The following ZFHX3 variants were observed in gnomAD, a reference collection of about 807,000 sequenced individuals.
The protein encoded by ZFHX3 is zinc finger homeobox protein 3.
Under a neutral mutation model 279.1 loss-of-function variants are expected in ZFHX3, and 42 were observed. The observed-to-expected ratio is 0.15, with a 90% CI of 0.12 to 0.19. ZFHX3 has a LOEUF of 0.19. Among genes scored for constraint, ZFHX3 ranks in the 10% least tolerant of loss-of-function variants. ZFHX3 has a pLI of 1.00. For missense variants in ZFHX3, 4,981 were observed against 4,754.0 expected, an observed-to-expected ratio of 1.05 and a Z score of -1.40; for synonymous variants, 2,293 against 1,957.8, an observed-to-expected ratio of 1.17 and a Z score of -4.52.
chr16:72,959,492 G>A lies in ZFHX3; in HGVS notation c.654C>T (p.Thr218=). The change falls in exon 2 of 10, where the codon ACC becomes ACT. Residue 218 remains threonine (T), a synonymous_variant. Transcript: ENST00000268489. ...CGGGGCTGAGCCCCGCCAGGGCTGA[G>A]GTATTCGGGAAAGCCTGGTCTGGGC... ...FEGPDQAFPN[T]SALAGLSPVL... The A allele has an allele frequency of 6.2e-7, 1 of 1,614,274 alleles. No homozygotes were observed. Among genetic ancestry groups the A allele is most frequent in the Non-Finnish European group, 8.5e-7 (1 of 1,180,046 alleles).
intron 3 of ZFHX3, among the ~76,000 whole-genome samples, chr16:73,355,462 A>T (rs2016323899): frequency 6.6e-6 from 1 of 152,174 alleles, no homozygotes; most frequent in South Asian, 2.1e-4. Flanking sequence ...GGGGCAGAAA[A>T]GGCAGGTGCC....
intron 1 of ZFHX3, among the ~76,000 whole-genome samples, chr16:72,966,682 A>T (rs1353251401): frequency 6.6e-6 from 1 of 152,232 alleles, no homozygotes; most frequent in Non-Finnish European, 1.5e-5. Flanking sequence ...GGTGCAGGGA[A>T]GAGAAGTCCC....
intron 4 of ZFHX3, among the ~76,000 whole-genome samples, chr16:73,307,727 T>A (rs558401919): frequency 6.6e-6 from 1 of 152,304 alleles, no homozygotes; most frequent in South Asian, 2.1e-4. Flanking sequence ...GTTGTTAAAA[T>A]TCACAGTTGA....
chr16:73,126,436 T>C (rs1279850316), intron 7 of ZFHX3, among the ~76,000 whole-genome samples: 2 of 152,062 alleles, frequency 1.3e-5, no homozygotes, highest in Non-Finnish European at 2.9e-5. Context: ...ACTGAAGTAC[T>C]GGATGTGTCA....
At chr16:73,462,587 A>G (rs2018491754) in intron 2 of ZFHX3, among the ~76,000 whole-genome samples, 1 of 152,092 alleles carries the variant, frequency 6.6e-6, no homozygotes. Flanking sequence ...TGAAGTTACT[A>G]TTTCTTTATT....
Position 72,788,451 on chromosome 16 carries a change from C to G in ZFHX3, c.9825G>C (p.Pro3275=), listed in dbSNP as rs771589873. 6.2e-7 allele frequency: 1 copy of G among 1,614,220 alleles called. No individual in the cohort carries two copies. The highest frequency in any genetic ancestry group is 1.1e-5 in the South Asian group (1 of 91,092). Residue 3275 remains proline, a synonymous_variant, in exon 10 of 10, where the codon CCG becomes CCC. Transcript: ENST00000268489. ...PTATAATISA[P]LPTMEYAVDP... ...CTACCGCATACTCCATGGTGGGCAG[C>G]GGGGCTGAGATCGTGGCTGCAGTTG... is the stretch of plus-strand genomic sequence containing the variant.
intron 8 of ZFHX3, among the ~76,000 whole-genome samples, chr16:73,077,498 T>C (rs926137502): frequency 2.6e-5 from 4 of 152,074 alleles, no homozygotes; most frequent in African/African-American, 9.7e-5. Context: ...CCCGTGATTT[T>C]AGCCAATAAC....
At chr16:73,069,205 G>A (rs1597146477) in intron 8 of ZFHX3, among the ~76,000 whole-genome samples, 2 of 152,322 alleles carry the variant, frequency 1.3e-5, no homozygotes, top group South Asian at 2.1e-4. Context: ...ACTCTGGGCT[G>A]GGAGTCTTGA....
rs1597017350 is a variant in ZFHX3, at chr16:72,958,999, A to G, written c.1147T>C (p.Ser383Pro). The stretch of plus-strand genomic sequence containing the variant: ...TGGGGCTGCTCGGGGCCAGCGGCGG[A>G]GCCCGCTGGGAGAGCTTCCTCCCCT... Reference protein sequence around the residue: ...MEGEEALPAGSAAGPEQPQAG... With the variant: ...MEGEEALPAGPAAGPEQPQAG... Residue 383 changes from serine (S) to proline (P), a missense_variant, in exon 2 of 10, where the codon TCC (serine) becomes CCC (proline). By Grantham distance (74) the Ser-to-Pro change is moderately conservative. Coordinates refer to ENST00000268489, the MANE Select transcript of ZFHX3 (RefSeq NM_006885.4). 6.2e-7 allele frequency: 1 copy of G among 1,608,840 alleles called. No homozygotes were observed. The highest frequency in any genetic ancestry group is 1.3e-5 in the African/African-American group (1 of 74,660).
Position 73,115,626 on chromosome 16 carries a change from G to A in ZFHX3, c.-897+15342C>T, listed in dbSNP as rs139741167. ...ATCTCCTTGCTTCTAGAACCAGATA[G>A]CAACTTTTTTGGAGCACCTCCTCAA... is the stretch of plus-strand genomic sequence containing the variant. On this transcript the variant is annotated intron_variant, in intron 7 of 17. Transcript: ENST00000641206. Among the ~76,000 whole-genome samples, 400 of 152,224 alleles carry A rather than the reference G, an allele frequency of 2.6e-3. 2 individuals are homozygous for A. Among genetic ancestry groups the A allele is most frequent in the African/African-American group, 9.2e-3 (382 of 41,556 alleles).
At chr16:73,704,819 T>TG (rs375161248) in intron 1 of ZFHX3, among the ~76,000 whole-genome samples, 5 of 152,358 alleles carry the variant, frequency 3.3e-5, no homozygotes, top group African/African-American at 1.2e-4. Flanking sequence ...TAGGGAGCTC[T>TG]GGGAGCCAGT....
intron 4 of ZFHX3, among the ~76,000 whole-genome samples, chr16:73,269,382 A>T (rs1295076215): frequency 6.6e-6 from 1 of 152,144 alleles, no homozygotes; most frequent in Non-Finnish European, 1.5e-5. Context: ...TATTCCTATT[A>T]TTCTGCTTTT....
At chr16:73,539,247 T>A (rs1157319821) in intron 2 of ZFHX3, among the ~76,000 whole-genome samples, 1 of 151,824 alleles carries the variant, frequency 6.6e-6, no homozygotes, top group African/African-American at 2.4e-5. Flanking sequence ...AGTACACCTA[T>A]CCCTGCATTC....
At chr16:72,800,188 GT>G in intron 7 of ZFHX3, 59 bp from the exon 8 acceptor site, 1 of 1,460,292 alleles carries the variant, frequency 6.8e-7, no homozygotes, top group Non-Finnish European at 9.6e-7. Context: ...AATAGGAAAT[GT>G]TTAAAAATTA....
chr16:73,255,457 C>G (rs773510207), intron 5 of ZFHX3, among the ~76,000 whole-genome samples: 1 of 152,156 alleles, frequency 6.6e-6, no homozygotes, highest in African/African-American at 2.4e-5. Flanking sequence ...AGTATTTTAC[C>G]TGACAGATCA....
At chr16:73,571,233 A>ATT (rs11403987) in intron 2 of ZFHX3, among the ~76,000 whole-genome samples, 2 of 151,740 alleles carry the variant, frequency 1.3e-5, no homozygotes, top group African/African-American at 4.8e-5. Flanking sequence ...TTGAAAATGC[A>ATT]TTTTTTTCCT....
At chr16:73,393,978 T>TATCATAA (rs1345134536) in intron 3 of ZFHX3, among the ~76,000 whole-genome samples, 1 of 148,344 alleles carries the variant, frequency 6.7e-6, no homozygotes, top group African/African-American at 2.4e-5. Flanking sequence ...ATATATCATA[T>TATCATAA]ATATCATATA....
At position 72,808,395 on chromosome 16, in the gene ZFHX3, A is replaced by G. The variant is rs150614902; in HGVS notation, c.3864+3182T>C. 9.2e-5 allele frequency among the ~76,000 whole-genome samples: 14 copies of G among 152,316 alleles called. No individual in the cohort carries two copies. In the East Asian group the frequency reaches 2.1e-3, roughly 23 times the overall value. On this transcript the variant is annotated intron_variant, in intron 7 of 9. Coordinates refer to ENST00000268489, the MANE Select transcript of ZFHX3 (RefSeq NM_006885.4). The stretch of plus-strand genomic sequence containing the variant: ...AGATAGAAATGCATAGTTTGGCTCA[A>G]TGCAAACTATCCCCATGACTGGACA...
intron 4 of ZFHX3, among the ~76,000 whole-genome samples, chr16:72,862,219 A>G (rs970135363): frequency 5.3e-5 from 8 of 152,162 alleles, no homozygotes; most frequent in African/African-American, 1.9e-4. Context: ...GACCCTGCTT[A>G]CAAAGGTGGG....
Sources: gnomAD v4.1 joint callset for allele counts (sites outside exome capture counted in the v4.1 genomes callset) on GRCh38, gnomAD v4.1.1 for gene constraint, MANE v1.5 for transcripts, NCBI Gene and HGNC (gene_info 2026-07-23, HGNC 2026-07-21) for gene names.